Variants in SMPD4 observed in about 807,000 individuals in gnomAD.
SMPD4 encodes neutral sphingomyelinase 3.
In SMPD4, 58 loss-of-function variants were observed where a neutral mutation model predicts 97.8. The ratio of observed to expected loss-of-function variants is 0.59; its 90% CI spans 0.48 to 0.74. SMPD4 has a LOEUF of 0.74. Among genes scored for constraint, SMPD4 ranks in the 30% least tolerant of loss-of-function variants. The probability of loss-of-function intolerance (pLI) is 0.00; values close to 1 mark genes in which losing one functional copy is unlikely to be tolerated. For synonymous variants in SMPD4, 388 were observed against 450.0 expected (o/e 0.86, Z 1.74); for missense variants, 853 against 1,080.5 (o/e 0.79, Z 2.95).
intron 13 of SMPD4, 35 bp from the exon 14 acceptor site, chr2:130,156,170 TG>T: frequency 6.4e-7 from 1 of 1,571,060 alleles, no homozygotes; most frequent in Non-Finnish European, 8.7e-7. Context: ...GCTCCGTGGC[TG>T]GGGGCCAAAT....
chr2:130,181,437 G>A (rs1288336724), intron 1 of SMPD4, 93 bp downstream of exon 1: 3 of 1,519,294 alleles, frequency 2.0e-6, no homozygotes, highest in Non-Finnish European at 2.6e-6. Flanking sequence ...CCGAGTCCTG[G>A]GGCTCGCGGA....
At chr2:130,181,705 G>T, upstream of SMPD4, 1 of 1,548,500 alleles carries the variant, frequency 6.5e-7, no homozygotes, top group Non-Finnish European at 8.7e-7. Context: ...AGGCCGGCCG[G>T]GCGGGGAAGA....
chr2:130,163,139 GGCCAC>G (rs909027476), intron 10 of SMPD4, among the ~76,000 whole-genome samples: 9 of 152,376 alleles, frequency 5.9e-5, no homozygotes, highest in East Asian at 3.9e-4. Context: ...GCCCCTGCCA[GGCCAC>G]GCCACGCCAC....
chr2:130,174,470 G>C (rs1243961450), intron 3 of SMPD4, among the ~76,000 whole-genome samples: 1 of 152,202 alleles, frequency 6.6e-6, no homozygotes, highest in Non-Finnish European at 1.5e-5. Context: ...TCCTGGGCTT[G>C]ACAATTCCAG....
At chr2:130,158,332 TC>T in intron 11 of SMPD4, 1 of 1,007,916 alleles carries the variant, frequency 9.9e-7, no homozygotes, top group Admixed American at 3.5e-5. Context: ...TTTTTTTTTT[TC>T]TTGAGACAAC....
intron 9 of SMPD4, among the ~76,000 whole-genome samples, chr2:130,166,071 C>G: frequency 6.6e-6 from 1 of 151,836 alleles, no homozygotes. Flanking sequence ...CCTGTAATCC[C>G]AACACTTTGG....
Position 130,152,435 on chromosome 2 carries a change from C to T in SMPD4, c.*120G>A, listed in dbSNP as rs764052969. On this transcript the variant is annotated 3_prime_UTR_variant, in exon 20 of 20. Coordinates refer to ENST00000680298, the MANE Select transcript of SMPD4 (RefSeq NM_017951.5). ...GATGCCTCTGCGGCTGCAGGAACCC[C>T]GCTCCAGAAGCCCGAGGATGACCGT... 7.2e-5 allele frequency: 85 copies of T among 1,187,004 alleles called. No individual in the cohort carries two copies. The Middle Eastern group carries it at 1.2e-3, about 17-fold the overall frequency. 73.5% of individuals were successfully genotyped at this position (1,187,004 alleles called of 1,614,324 possible).
chr2:130,169,492 T>C (rs1452382549), intron 8 of SMPD4, among the ~76,000 whole-genome samples: 2 of 151,664 alleles, frequency 1.3e-5, no homozygotes, highest in Admixed American at 1.3e-4. Context: ...ACACATACAA[T>C]AGAGGTGGAA....
intron 11 of SMPD4, 61 bp from the exon 12 acceptor site, chr2:130,157,457 T>C: frequency 6.2e-7 from 1 of 1,602,720 alleles, no homozygotes; most frequent in Non-Finnish European, 8.5e-7. Flanking sequence ...GCACTCCGCC[T>C]CCAGGTCTGA....
rs567629993 is a variant in SMPD4, at chr2:130,161,968, G to A, written c.865-696C>T. On this transcript the variant is annotated intron_variant, in intron 10 of 19. Transcript: ENST00000680298. ...GACTGGCTCTCTGAGAACTGAGGGC[G>A]AGGACAGGTCCCCAAGGGTAGCACA... 3.1e-3 allele frequency among the ~76,000 whole-genome samples: 475 copies of A among 152,320 alleles called. 1 individual carries two copies. Among genetic ancestry groups the A allele is most frequent in the Non-Finnish European group, 5.7e-3 (386 of 68,026 alleles).
intron 9 of SMPD4, among the ~76,000 whole-genome samples, 156 bp downstream of exon 9, chr2:130,167,302 G>A (rs564252552): frequency 1.3e-5 from 2 of 152,262 alleles, no homozygotes; most frequent in South Asian, 2.1e-4. Flanking sequence ...TGTGTTTTTA[G>A]TAGAGACGTG....
rs369744046 is a variant in SMPD4 at position 130,160,897 on chromosome 2, C to A, written c.951+289G>T. ...AGGGCCAAGCACGAGGCCTCCAACA[C>A]TGGAGAGCTTGTGACACCTCCACTG... On this transcript the variant is annotated intron_variant, in intron 11 of 19. Transcript: ENST00000680298. Among the ~76,000 whole-genome samples the A allele has an allele frequency of 4.0e-4, 61 of 152,336 alleles. 2 individuals are homozygous for A. In the East Asian group the frequency reaches 9.8e-3, roughly 25 times the overall value.
intron 8 of SMPD4, among the ~76,000 whole-genome samples, chr2:130,172,081 C>T (rs1403932127): frequency 2.0e-5 from 3 of 152,220 alleles, no homozygotes; most frequent in Admixed American, 6.5e-5. Flanking sequence ...CTGCTCCATG[C>T]ACAACACAGC....
chr2:130,166,013 T>C (rs988861653), intron 9 of SMPD4, among the ~76,000 whole-genome samples: 2 of 152,028 alleles, frequency 1.3e-5, no homozygotes, highest in African/African-American at 4.8e-5. Context: ...ATAATTAAAT[T>C]TTTTTCTTAG....
intron 11 of SMPD4, 192 bp from the exon 12 acceptor site, chr2:130,157,588 T>C: frequency 4.4e-6 from 5 of 1,147,758 alleles, no homozygotes; most frequent in South Asian, 3.2e-5. Flanking sequence ...TTGCACTGCT[T>C]GGTCTGAACT....
At position 130,152,677 on chromosome 2, in the gene SMPD4, A is replaced by G. The variant is rs1197850925; in HGVS notation, c.2362T>C (p.Phe788Leu). 3.2e-6 allele frequency: 5 copies of G among 1,570,542 alleles called. No homozygotes were observed. The highest frequency in any genetic ancestry group is 1.9e-5 in the Admixed American group (1 of 53,154). Reference sequence around the variant, plus strand: ...CCGACGCAGAACAGAGAGGCCACGAAGAAGGCCAGCAGCAGCGAGACCAGC... The same window carrying G: ...CCGACGCAGAACAGAGAGGCCACGAGGAAGGCCAGCAGCAGCGAGACCAGC... The part of the protein sequence containing the change: ...RTLVSLLLAF[F>L]VASLFCVGPL... Residue 788 changes from phenylalanine to leucine, a missense_variant, in exon 20 of 20, where the codon TTC becomes CTC. Coordinates refer to ENST00000680298, the MANE Select transcript of SMPD4 (RefSeq NM_017951.5).
In SMPD4 at chr2:130,153,110, A is replaced by C. The variant is rs780913869; in HGVS notation, c.2087T>G (p.Ile696Ser). The C allele has an allele frequency of 6.2e-7, 1 of 1,613,736 alleles. No homozygotes were observed. Among genetic ancestry groups the C allele is most frequent in the East Asian group, 2.2e-5 (1 of 44,872 alleles). ...EYQGDPELQPIRSYEIASLVR... is the reference protein window; with the variant it reads ...EYQGDPELQPSRSYEIASLVR... ...CAAGCTGGCGATCTCATAGCTCCGG[A>C]TGGGCTGCAGCTCCGGGTCCCCCTG... Residue 696 changes from isoleucine (I) to serine (S), a missense_variant, in exon 19 of 20, where the codon ATC becomes AGC. By Grantham distance (142) the Ile-to-Ser change is moderately radical (BLOSUM62 -2). Around this residue, in one of 3 missense-constraint regions of SMPD4, gnomAD observed 511 missense variants for 608.1 expected, o/e 0.84. Transcript: ENST00000680298.
intron 10 of SMPD4, among the ~76,000 whole-genome samples, chr2:130,161,524 G>C (rs1687418742): frequency 6.6e-6 from 1 of 152,190 alleles, no homozygotes; most frequent in African/African-American, 2.4e-5. Flanking sequence ...CAGGGCTGTG[G>C]CCACACTCTC....
In SMPD4 at chr2:130,181,168, G is replaced by A. The variant is rs539493251; in HGVS notation, c.-46+362C>T. ...CGGAGATGTGGAGCACACAGGGGAA[G>A]GGTCGAGCTGGGACCCACACCCGGC... On this transcript the variant is annotated intron_variant, in intron 1 of 19. Transcript: ENST00000680298. 2.5e-4 allele frequency: 189 copies of A among 755,786 alleles called. 1 individual carries two copies. The African/African-American group carries it at 3.3e-3, about 13-fold the overall frequency. The allele number at this position is 755,786 out of a possible 1,614,324, so 46.8% of individuals were successfully genotyped here.
Sources: allele counts gnomAD v4.1 joint callset (sites outside exome capture counted in the v4.1 genomes callset), GRCh38; gene constraint gnomAD v4.1.1; regional missense constraint gnomAD v4.1.1; transcripts MANE v1.5; gene names NCBI Gene and HGNC (gene_info 2026-07-23, HGNC 2026-07-21).